The following ABR variants were observed in gnomAD, a reference collection of about 807,000 sequenced individuals.
ABR encodes active breakpoint cluster region-related protein.
In ABR, 35 loss-of-function variants were observed where a neutral mutation model predicts 107.2. The ratio of observed to expected loss-of-function variants is 0.33; its 90% confidence interval spans 0.25 to 0.43. ABR has a LOEUF of 0.43. Among genes scored for constraint, ABR ranks in the 20% least tolerant of loss-of-function variants. The pLI, the probability that ABR is intolerant of heterozygous loss-of-function variation, is 1.00. For missense variants in ABR, 815 were observed against 1,115.2 expected (o/e 0.73, Z 3.83); for synonymous variants, 498 against 462.0 (o/e 1.08, Z -1.00).
chr17:1,090,335 G>A (rs982979695), intron 4 of ABR, among the ~76,000 whole-genome samples: 7 of 152,232 alleles, frequency 4.6e-5, no homozygotes, highest in Middle Eastern at 3.4e-3. Context: ...TCCGAGGGCC[G>A]TGGGGATCCG....
chr17:1,108,953 G>T lies in ABR; in HGVS notation c.247-8218C>A, dbSNP rs371407942. 26 of 1,595,744 alleles carry T rather than the reference G, an allele frequency of 1.6e-5. 1 individual carries two copies. In the African/African-American group the frequency reaches 3.0e-4, roughly 19 times the overall value. ...TCCCACCTTCACAGCCACCAGGAAG[G>T]GGGACCCTGAGCCGGGGCTGGTCGG... On this transcript the variant is annotated intron_variant, in intron 2 of 22. Transcript: ENST00000302538.
chr17:1,028,344 C>T (rs1353152654), intron 16 of ABR, among the ~76,000 whole-genome samples: 2 of 151,958 alleles, frequency 1.3e-5, no homozygotes, highest in Non-Finnish European at 2.9e-5. Flanking sequence ...GGTGATCCAC[C>T]CGCCTCTGCC....
At position 1,092,874 on chromosome 17, in the gene ABR, A is replaced by G. The variant is rs2037127064; in HGVS notation, c.346-1024T>C. 6.7e-6 allele frequency among the ~76,000 whole-genome samples: 1 copy of G among 148,904 alleles called. No homozygotes were observed. On this transcript the variant is annotated intron_variant, in intron 3 of 22. Coordinates refer to ENST00000302538, the MANE Select transcript of ABR (RefSeq NM_021962.5). This position sits in a 1 kb window ranked among gnomAD's most constrained non-coding sequence, Gnocchi z 4.6. ...GAGACGGAGTCTCGCTCTGTCGCCCAGGCTGGAGTGCAGTGGTGCGATCTC... is the reference window on the plus strand; with the variant it reads ...GAGACGGAGTCTCGCTCTGTCGCCCGGGCTGGAGTGCAGTGGTGCGATCTC...
chr17:1,163,260 T>C (rs1375589212), intron 1 of ABR, among the ~76,000 whole-genome samples: 7 of 152,218 alleles, frequency 4.6e-5, no homozygotes, highest in Admixed American at 3.9e-4. Context: ...CTATTATCAC[T>C]GGCCACTCTG....
chr17:1,013,808 A>G (rs1231626502), intron 16 of ABR, among the ~76,000 whole-genome samples: 1 of 152,232 alleles, frequency 6.6e-6, no homozygotes, highest in Non-Finnish European at 1.5e-5. Context: ...CCACAGGGGA[A>G]GTCCCCAGGC....
chr17:1,114,312 A>G (rs1045477602), intron 2 of ABR, among the ~76,000 whole-genome samples: 1 of 151,926 alleles, frequency 6.6e-6, no homozygotes, highest in East Asian at 1.9e-4. Context: ...TCTACTAAAA[A>G]TACAAAAATT....
At chr17:1,147,863 GAGA>G (rs1395802815) in intron 1 of ABR, among the ~76,000 whole-genome samples, 1 of 152,330 alleles carries the variant, frequency 6.6e-6, no homozygotes, top group East Asian at 1.9e-4. Flanking sequence ...CCATTCAGGA[GAGA>G]AGCAGAAACC....
chr17:1,077,447 C>G (rs916882184), intron 6 of ABR, among the ~76,000 whole-genome samples: 1 of 152,192 alleles, frequency 6.6e-6, no homozygotes, highest in Non-Finnish European at 1.5e-5. Context: ...ACCTGACCAA[C>G]TCCTAGGCCA....
rs1242951025 is a variant in ABR, at chr17:1,078,828, C to T, written c.700+502G>A. 6.5e-7 allele frequency: 1 copy of T among 1,535,630 alleles called. No individual in the cohort carries two copies. On this transcript the variant is annotated intron_variant, in intron 6 of 22. Transcript: ENST00000302538. The surrounding 1 kb of genome is among the most constrained non-coding windows in gnomAD (Gnocchi z 7.5). ...ACCTGGGTTACCATAGGTGCAGTTACAGCAGAAGCGAATAATGAGGAGAAT... is the reference window on the plus strand; with the variant it reads ...ACCTGGGTTACCATAGGTGCAGTTATAGCAGAAGCGAATAATGAGGAGAAT...
intron 4 of ABR, among the ~76,000 whole-genome samples, chr17:1,088,242 G>A (rs1424382589): frequency 6.6e-6 from 1 of 152,054 alleles, no homozygotes; most frequent in Non-Finnish European, 1.5e-5. Flanking sequence ...AAGATAAACT[G>A]TGACAGCGTT....
chr17:1,021,396 G>C (rs1054357171), intron 16 of ABR, among the ~76,000 whole-genome samples: 2 of 152,172 alleles, frequency 1.3e-5, no homozygotes, highest in Non-Finnish European at 2.9e-5. Flanking sequence ...GCCCTCGGGG[G>C]CCGCCCCATC....
chr17:1,032,529 TGCCAGGGGCAGAGGAC>T (rs1045088439), intron 16 of ABR, among the ~76,000 whole-genome samples: 4 of 152,086 alleles, frequency 2.6e-5, no homozygotes, highest in Non-Finnish European at 5.9e-5. Context: ...AGGTTTCCGC[TGCCAGGGGCAGAGGAC>T]GCCACGGGCA....
chr17:1,062,324 G>C (rs2034074908), intron 10 of ABR, among the ~76,000 whole-genome samples: 1 of 148,606 alleles, frequency 6.7e-6, no homozygotes, highest in East Asian at 2.0e-4. Context: ...AGACACTGTT[G>C]TTATGTGAAC....
intron 1 of ABR, among the ~76,000 whole-genome samples, chr17:1,158,248 T>A (rs1029009582): frequency 6.6e-6 from 1 of 152,022 alleles, no homozygotes; most frequent in Non-Finnish European, 1.5e-5. Flanking sequence ...ATTCTTTTTT[T>A]AAATTTGTAT....
intron 1 of ABR, among the ~76,000 whole-genome samples, chr17:1,130,081 G>A (rs1188887076): frequency 6.6e-6 from 1 of 152,170 alleles, no homozygotes; most frequent in African/African-American, 2.4e-5. Context: ...CAGGTGAATG[G>A]GTGTTCACTG....
intron 16 of ABR, among the ~76,000 whole-genome samples, chr17:1,014,313 C>T (rs556177561): frequency 5.3e-5 from 7 of 132,172 alleles, no homozygotes; most frequent in East Asian, 4.9e-4. Context: ...TGGTGGCGGG[C>T]GCCTGTAGTC....
At chr17:1,229,322 G>A (rs1488512561) in exon 1 of ABR, among the ~76,000 whole-genome samples, 1 of 149,662 alleles carries the variant, frequency 6.7e-6, no homozygotes, top group Non-Finnish European at 1.5e-5. Flanking sequence ...CGGGCCCGGC[G>A]GGCAGGTCCC....
chr17:1,031,887 C>CCCGCG, intron 16 of ABR: 1 of 1,161,280 alleles, frequency 8.6e-7, no homozygotes, highest in Non-Finnish European at 1.1e-6. Context: ...CCCCTCCCTC[C>CCCGCG]CTCCCTCCGT....
chr17:1,160,148 C>G (rs1227351381), intron 1 of ABR, among the ~76,000 whole-genome samples: 1 of 152,014 alleles, frequency 6.6e-6, no homozygotes, highest in Non-Finnish European at 1.5e-5. Flanking sequence ...CCTCTCCTCT[C>G]TGGTACAAGG....
Sources: gnomAD v4.1 joint callset for allele counts (sites outside exome capture counted in the v4.1 genomes callset) on GRCh38, gnomAD v4.1.1 for gene constraint, Gnocchi (gnomAD v3.1) non-coding constraint, MANE v1.5 for transcripts, NCBI Gene and HGNC (gene_info 2026-07-23, HGNC 2026-07-21) for gene names.